FAM120B: variants seen among roughly 807,000 people sequenced by gnomAD.
FAM120B encodes family with sequence similarity 120 member B.
In FAM120B, 83 loss-of-function variants were observed where a neutral mutation model predicts 96.3. The ratio of observed to expected loss-of-function variants is 0.86; its 90% CI spans 0.72 to 1.03. FAM120B has a LOEUF of 1.03. Ranked by LOEUF, FAM120B falls within the 50% of genes least tolerant of loss-of-function variation. FAM120B has a pLI of 0.00. For synonymous variants in FAM120B, 407 were observed against 402.7 expected (o/e 1.01, Z -0.13); for missense variants, 1,027 against 1,121.2 (o/e 0.92, Z 1.20).
At chr6:170,292,923 G>C (rs1583160532), upstream of FAM120B, among the ~76,000 whole-genome samples, 1 of 152,174 alleles carries the variant, frequency 6.6e-6, no homozygotes, top group Admixed American at 6.5e-5. This position sits in a 1 kb window ranked among gnomAD's most constrained non-coding sequence, Gnocchi z 6.6. Context: ...GGCAGGCTGG[G>C]ATCACCGTGA....
chr6:170,394,510 C>T (rs1209502128), intron 8 of FAM120B, among the ~76,000 whole-genome samples: 5 of 139,152 alleles, frequency 3.6e-5, no homozygotes, highest in Non-Finnish European at 6.3e-5. Context: ...CACAAGGCCA[C>T]GCCTCCGTGG....
Position 170,370,568 on chromosome 6 carries a change from G to A in FAM120B, c.2283+12250G>A, listed in dbSNP as rs1047350752. ...AACCTAAACTCAGAAGCCAGAACTC[G>A]GTAATATTACCCTCTGATCCTGTAC... is the stretch of plus-strand genomic sequence containing the variant. On this transcript the variant is annotated intron_variant, in intron 6 of 10. Transcript: ENST00000476287. The surrounding 1 kb of genome is among the most constrained non-coding windows in gnomAD (Gnocchi z 4.3). 4.7e-4 allele frequency among the ~76,000 whole-genome samples: 72 copies of A among 152,044 alleles called. No homozygotes were observed. Among genetic ancestry groups the A allele is most frequent in the African/African-American group, 1.7e-3 (70 of 41,378 alleles).
At position 170,317,857 on chromosome 6, in the gene FAM120B, T is replaced by A; in HGVS notation, c.467T>A (p.Leu156Ter). 1 of 1,614,240 alleles carries A rather than the reference T, an allele frequency of 6.2e-7. No homozygotes were observed. The highest frequency in any genetic ancestry group is 8.5e-7 in the Non-Finnish European group (1 of 1,180,044). ...CTGGGCCAGGAAACTTTGTGTTCTT[T>A]GCAGGAAGCAGATTATGAGGTAGCT... is the stretch of plus-strand genomic sequence containing the variant. ...KTLGQETLCS[L>*]QEADYEVASY... Residue 156 changes from leucine to a stop codon, truncating the protein, a stop_gained, in exon 2 of 11, where the codon TTG becomes TAG. Transcript: ENST00000476287. LOFTEE classifies it high-confidence loss of function.
At chr6:170,365,723 T>G (rs946156082) in intron 6 of FAM120B, among the ~76,000 whole-genome samples, 2 of 58,228 alleles carry the variant, frequency 3.4e-5, no homozygotes, top group African/African-American at 6.5e-5. Flanking sequence ...CTCCCCCCCC[T>G]CCCCCCTGCC....
At chr6:170,307,341 AAGAC>A (rs1248800036) in intron 1 of FAM120B, among the ~76,000 whole-genome samples, 9 of 152,200 alleles carry the variant, frequency 5.9e-5, no homozygotes, top group South Asian at 2.1e-4. Flanking sequence ...TCTTGGGGGA[AAGAC>A]AGACAGAAAG....
chr6:170,328,407 CTGTAT>C (rs1331403582), intron 3 of FAM120B, among the ~76,000 whole-genome samples: 1 of 152,174 alleles, frequency 6.6e-6, no homozygotes, highest in East Asian at 1.9e-4. Flanking sequence ...CAGTACAGGA[CTGTAT>C]TTCATCTTTC....
At chr6:170,305,164 CT>C (rs200031250), upstream of FAM120B, among the ~76,000 whole-genome samples, 836 of 152,186 alleles carry the variant, frequency 5.5e-3, 9 homozygotes, top group African/African-American at 0.019. Context: ...AACCTATGAA[CT>C]TGGGGGGGGC....
chr6:170,322,734 G>A (rs1785374332), intron 2 of FAM120B, among the ~76,000 whole-genome samples: 1 of 152,128 alleles, frequency 6.6e-6, no homozygotes, highest in Non-Finnish European at 1.5e-5. Flanking sequence ...GGTTGGAAAG[G>A]GGAGAAACTG....
rs1454064195 is a variant in FAM120B, at chr6:170,317,876, G to A, written c.486G>A (p.Glu162=). The change falls in exon 2 of 11, where the codon GAG becomes GAA. Residue 162 remains glutamate, a synonymous_variant. Coordinates refer to ENST00000476287, the MANE Select transcript of FAM120B (RefSeq NM_032448.3). ...GTTCTTTGCAGGAAGCAGATTATGA[G>A]GTAGCTTCCTATGGCCTCCAGCATA... The part of the protein sequence containing the change: ...TLCSLQEADY[E]VASYGLQHNC... 2 of 1,614,206 alleles carry A rather than the reference G, an allele frequency of 1.2e-6. No individual in the cohort carries two copies.
At chr6:170,397,102 C>T (rs1778217016) in intron 9 of FAM120B, among the ~76,000 whole-genome samples, 1 of 152,244 alleles carries the variant, frequency 6.6e-6, no homozygotes, top group Non-Finnish European at 1.5e-5. Context: ...TGGGGGCCTA[C>T]AGCCCTGACT....
chr6:170,328,922 A>G (rs898325422), intron 3 of FAM120B, among the ~76,000 whole-genome samples: 2 of 152,130 alleles, frequency 1.3e-5, no homozygotes, highest in Admixed American at 6.5e-5. Context: ...GGCTGTGTCC[A>G]TTGTGGCTTT....
At chr6:170,319,484 A>G (rs1358950387) in intron 2 of FAM120B, among the ~76,000 whole-genome samples, 1 of 152,166 alleles carries the variant, frequency 6.6e-6, no homozygotes, top group African/African-American at 2.4e-5. Context: ...CCTGACCCAC[A>G]TGGTGAAACC....
intron 4 of FAM120B, among the ~76,000 whole-genome samples, chr6:170,336,644 T>C (rs1010172583): frequency 6.6e-6 from 1 of 152,256 alleles, no homozygotes; most frequent in African/African-American, 2.4e-5. Flanking sequence ...TTTCATGATA[T>C]TAATTCTTCC....
intron 1 of FAM120B, among the ~76,000 whole-genome samples, chr6:170,316,964 A>G (rs540948257): frequency 6.6e-6 from 1 of 152,358 alleles, no homozygotes; most frequent in Non-Finnish European, 1.5e-5. Context: ...CAGAAAAATT[A>G]TATTGAGAAT....
chr6:170,305,035 G>A (rs973291160), upstream of FAM120B, among the ~76,000 whole-genome samples: 8 of 151,998 alleles, frequency 5.3e-5, no homozygotes, highest in Non-Finnish European at 1.0e-4. Context: ...GTGGAAAGTG[G>A]GCAAGAGAGC....
At chr6:170,291,113 C>G (rs1562500152), upstream of FAM120B, 1 of 597,534 alleles carries the variant, frequency 1.7e-6, no homozygotes, top group South Asian at 1.5e-5. Context: ...TCCCCGCCCC[C>G]ACCCTTCCCC....
At chr6:170,380,818 G>A (rs1241343176) in intron 6 of FAM120B, among the ~76,000 whole-genome samples, 1 of 151,982 alleles carries the variant, frequency 6.6e-6, no homozygotes, top group East Asian at 1.9e-4. Context: ...TTACTTCATT[G>A]GTCACTTTGC....
At chr6:170,333,901 C>T (rs1010721103) in intron 4 of FAM120B, among the ~76,000 whole-genome samples, 2 of 152,178 alleles carry the variant, frequency 1.3e-5, no homozygotes, top group Non-Finnish European at 2.9e-5. Flanking sequence ...CACAGTTTAG[C>T]TTCCATTTCC....
chr6:170,403,966 T>A (rs1302023708), intron 9 of FAM120B, among the ~76,000 whole-genome samples: 1 of 152,082 alleles, frequency 6.6e-6, no homozygotes, highest in Non-Finnish European at 1.5e-5. Flanking sequence ...ATGGAGACCA[T>A]CCCCAGTCAC....
Sources: gnomAD v4.1 joint callset for allele counts (sites outside exome capture counted in the v4.1 genomes callset) on GRCh38, gnomAD v4.1.1 for gene constraint, Gnocchi (gnomAD v3.1) non-coding constraint, MANE v1.5 for transcripts, NCBI Gene and HGNC (gene_info 2026-07-23, HGNC 2026-07-21) for gene names.